EYA3: variants seen among roughly 807,000 people sequenced by gnomAD.
EYA3 encodes the protein protein phosphatase EYA3.
In EYA3, 39 loss-of-function variants were observed where a neutral mutation model predicts 80.0. The ratio of observed to expected loss-of-function variants is 0.49; its 90% CI spans 0.38 to 0.64. The LOEUF (loss-of-function observed/expected upper bound fraction) is 0.64, where lower values mean the gene tolerates loss of function less well. Ranked by LOEUF, EYA3 falls within the 30% of genes least tolerant of loss-of-function variation. EYA3 has a pLI of 0.00. For missense variants in EYA3, 523 were observed against 676.1 expected (o/e 0.77, Z 2.51); for synonymous variants, 206 against 232.8 (o/e 0.88, Z 1.05).
chr1:28,005,366 C>G (rs1049286384), intron 10 of EYA3, among the ~76,000 whole-genome samples: 1 of 152,162 alleles, frequency 6.6e-6, no homozygotes, highest in Admixed American at 6.5e-5. Context: ...CAAAGTCAGA[C>G]TAAGGCACTG....
chr1:28,019,373 A>C (rs1273846292), intron 7 of EYA3, among the ~76,000 whole-genome samples: 2 of 152,264 alleles, frequency 1.3e-5, no homozygotes, highest in African/African-American at 4.8e-5. Flanking sequence ...CTTCTTTCCT[A>C]CTGTGGCTTA....
chr1:27,987,814 G>A (rs1009158337), intron 16 of EYA3, among the ~76,000 whole-genome samples: 23 of 152,166 alleles, frequency 1.5e-4, no homozygotes, highest in African/African-American at 4.8e-4. Flanking sequence ...AGCCTCCCAA[G>A]TAGCTGGGAC....
chr1:28,048,530 A>G, intron 2 of EYA3, 104 bp from the exon 3 acceptor site: 1 of 802,660 alleles, frequency 1.2e-6, no homozygotes, highest in South Asian at 2.2e-5. Context: ...TAACTGTTTA[A>G]TTTTGTTTAG....
chr1:28,077,260 T>C (rs953324905), intron 1 of EYA3, among the ~76,000 whole-genome samples: 1 of 151,650 alleles, frequency 6.6e-6, no homozygotes, highest in African/African-American at 2.4e-5. Context: ...TGCATGACCA[T>C]ACCCAGCTAA....
chr1:28,077,329 CTCCTGACCTCAGGTGA>C (rs1340386228), intron 1 of EYA3, among the ~76,000 whole-genome samples: 1 of 152,076 alleles, frequency 6.6e-6, no homozygotes, highest in Non-Finnish European at 1.5e-5. Context: ...TGGCCTCGAA[CTCCTGACCTCAGGTGA>C]TCCGCCTGCC....
At chr1:28,021,297 C>T (rs1442356662) in intron 7 of EYA3, among the ~76,000 whole-genome samples, 1 of 152,140 alleles carries the variant, frequency 6.6e-6, no homozygotes, top group East Asian at 1.9e-4. Context: ...CATGATGGCT[C>T]CTCAGCATGA....
intron 1 of EYA3, among the ~76,000 whole-genome samples, chr1:28,072,463 G>A (rs1645050739): frequency 6.6e-6 from 1 of 151,910 alleles, no homozygotes; most frequent in Non-Finnish European, 1.5e-5. Context: ...AGAGCCCTGG[G>A]GGAAGGGTGG....
chr1:28,022,514 T>C (rs1258977637), intron 7 of EYA3, among the ~76,000 whole-genome samples: 1 of 152,166 alleles, frequency 6.6e-6, no homozygotes, highest in African/African-American at 2.4e-5. Context: ...GAATGATCTA[T>C]GTAATAATGG....
At chr1:27,976,764 C>A (rs747338418) in intron 17 of EYA3, among the ~76,000 whole-genome samples, 14 of 152,288 alleles carry the variant, frequency 9.2e-5, no homozygotes, top group Non-Finnish European at 1.9e-4. Flanking sequence ...GTTGCCCAGG[C>A]TGGAGTGCAG....
At chr1:28,003,496 CA>C (rs1033540245) in intron 11 of EYA3, among the ~76,000 whole-genome samples, 24 of 152,046 alleles carry the variant, frequency 1.6e-4, no homozygotes, top group Admixed American at 1.2e-3. Context: ...AACAAACAAA[CA>C]AAAAAACCCA....
intron 11 of EYA3, among the ~76,000 whole-genome samples, chr1:28,003,693 C>T (rs1641061499): frequency 6.6e-6 from 1 of 152,056 alleles, no homozygotes; most frequent in Non-Finnish European, 1.5e-5. Flanking sequence ...CAGGTGCATG[C>T]CACTGCACCT....
intron 7 of EYA3, among the ~76,000 whole-genome samples, chr1:28,020,031 G>A (rs1309634264): frequency 6.6e-6 from 1 of 152,030 alleles, no homozygotes; most frequent in African/African-American, 2.4e-5. Context: ...ATGGTGGGAG[G>A]TACAACTCAG....
rs1373449604 is a variant in EYA3, at chr1:28,009,409, T to C, written c.909+1538A>G. On this transcript the variant is annotated intron_variant, in intron 10 of 17. Coordinates refer to ENST00000373871, the MANE Select transcript of EYA3 (RefSeq NM_001990.4). This position sits in a 1 kb window ranked among gnomAD's most constrained non-coding sequence, Gnocchi z 4.8. ...GCTCACGTCTGTAATCCCAGCACTA[T>C]GGGAGGCCGAGGCAGGCGGATCACG... 5.3e-5 allele frequency among the ~76,000 whole-genome samples: 8 copies of C among 152,130 alleles called. No individual in the cohort carries two copies. The highest frequency in any genetic ancestry group is 1.7e-4 in the African/African-American group (7 of 41,434).
At chr1:28,036,987 A>G (rs953140958) in intron 5 of EYA3, among the ~76,000 whole-genome samples, 1 of 152,186 alleles carries the variant, frequency 6.6e-6, no homozygotes, top group Non-Finnish European at 1.5e-5. Context: ...TGGAGGGTAT[A>G]GAGTAAGGAA....
intron 14 of EYA3, chr1:27,990,040 C>A: frequency 4.7e-6 from 1 of 212,048 alleles, no homozygotes. Flanking sequence ...GGGGTGGGGT[C>A]AAAAGGGCAG....
chr1:28,039,315 C>T (rs1643643155), intron 4 of EYA3, among the ~76,000 whole-genome samples: 1 of 152,184 alleles, frequency 6.6e-6, no homozygotes, highest in African/African-American at 2.4e-5. Flanking sequence ...GAGTAAAAGC[C>T]TTAAGAATGA....
At chr1:27,984,150 C>T (rs1639494156) in intron 16 of EYA3, among the ~76,000 whole-genome samples, 1 of 152,170 alleles carries the variant, frequency 6.6e-6, no homozygotes, top group Non-Finnish European at 1.5e-5. Context: ...GATCCTCCCG[C>T]CTTAGCCTCT....
Position 28,076,796 on chromosome 1 carries a change from G to A in EYA3, c.-69+11728C>T, listed in dbSNP as rs181655094. Among the ~76,000 whole-genome samples, 444 of 142,504 alleles carry A rather than the reference G, an allele frequency of 3.1e-3. 1 individual carries two copies. The highest frequency in any genetic ancestry group is 0.011 in the African/African-American group (408 of 38,136). 93.5% of individuals were successfully genotyped at this position (142,504 alleles called of 152,430 possible). On this transcript the variant is annotated intron_variant, in intron 1 of 17. Coordinates refer to ENST00000373871, the MANE Select transcript of EYA3 (RefSeq NM_001990.4). ...GCTCTCATTGCCCAGGCTGGAGTGC[G>A]ATGGCGTGATCTCGGCTCACCTCAA...
At chr1:27,992,544 G>A (rs911383296) in intron 14 of EYA3, among the ~76,000 whole-genome samples, 1 of 152,158 alleles carries the variant, frequency 6.6e-6, no homozygotes, top group Non-Finnish European at 1.5e-5. Flanking sequence ...CCCGGGAATT[G>A]GGGACCCCTG....
Sources: gnomAD v4.1 joint callset for allele counts (sites outside exome capture counted in the v4.1 genomes callset) on GRCh38, gnomAD v4.1.1 for gene constraint, Gnocchi (gnomAD v3.1) non-coding constraint, MANE v1.5 for transcripts, NCBI Gene and HGNC (gene_info 2026-07-23, HGNC 2026-07-21) for gene names.